The following ADAMTS5 variants were observed in gnomAD, a reference collection of about 807,000 sequenced individuals.
The protein encoded by ADAMTS5 is ADAM metallopeptidase with thrombospondin type 1 motif 5.
ADAMTS5 carries 54 observed loss-of-function variants against 81.4 expected under a neutral mutation model. The observed-to-expected ratio is 0.66, with a 90% CI of 0.53 to 0.83. ADAMTS5 has a LOEUF of 0.83. Among genes scored for constraint, ADAMTS5 ranks in the 40% least tolerant of loss-of-function variants. The pLI is 0.00. For synonymous variants in ADAMTS5, 532 were observed against 508.8 expected (o/e 1.05, Z -0.61); for missense variants, 1,194 against 1,229.9 (o/e 0.97, Z 0.44).
rs1568837005 is a variant in ADAMTS5 at position 26,924,339 on chromosome 21, G to A, written c.2507C>T (p.Ala836Val). Residue 836 changes from alanine to valine, a missense_variant, in exon 8 of 8, where the codon GCA (alanine) becomes GTA (valine). This residue lies in a region of ADAMTS5 where 696 missense variants were observed against 817.6 expected (regional missense o/e 0.85). Transcript: ENST00000284987. ...TKEILIVQIL[A>V]TDPTKPLDVR... is the part of the protein sequence containing the mutation. ...ATCTAATGGTTTAGTGGGGTCTGTT[G>A]CAAGAATCTGCACTATTAGAATTTC... 6.2e-7 allele frequency: 1 copy of A among 1,614,200 alleles called. No homozygotes were observed. Among genetic ancestry groups the A allele is most frequent in the Non-Finnish European group, 8.5e-7 (1 of 1,180,042 alleles).
chr21:26,938,319 A>C (rs1443527685), intron 3 of ADAMTS5, among the ~76,000 whole-genome samples: 1 of 152,194 alleles, frequency 6.6e-6, no homozygotes, highest in Non-Finnish European at 1.5e-5. Flanking sequence ...CATTCATGTT[A>C]AACTAAATGC....
At chr21:26,935,536 T>C (rs1280458385) in intron 3 of ADAMTS5, among the ~76,000 whole-genome samples, 1 of 152,262 alleles carries the variant, frequency 6.6e-6, no homozygotes, top group East Asian at 1.9e-4. Context: ...TTAGTCTTTA[T>C]ACTCTTTGCT....
At chr21:26,960,443 G>A (rs1158093765) in intron 1 of ADAMTS5, among the ~76,000 whole-genome samples, 1 of 152,212 alleles carries the variant, frequency 6.6e-6, no homozygotes, top group African/African-American at 2.4e-5. Context: ...CTACAAGGAG[G>A]TAAATGAGGT....
chr21:26,941,573 C>T (rs1199585288), intron 3 of ADAMTS5, among the ~76,000 whole-genome samples: 1 of 151,956 alleles, frequency 6.6e-6, no homozygotes, highest in Non-Finnish European at 1.5e-5. Flanking sequence ...TTCTCCACAG[C>T]ATTGTAATTA....
rs749063923 is a variant in ADAMTS5, at chr21:26,954,878, A to C, written c.1105-7T>G. The C allele has an allele frequency of 1.2e-6, 2 of 1,613,274 alleles. No homozygotes were observed. Among genetic ancestry groups the C allele is most frequent in the Non-Finnish European group, 1.7e-6 (2 of 1,179,770 alleles). On this transcript the variant is annotated splice_region_variant and splice_polypyrimidine_tract_variant and intron_variant, in intron 1 of 7. Coordinates refer to ENST00000284987, the MANE Select transcript of ADAMTS5 (RefSeq NM_007038.5). Reference sequence around the variant, plus strand: ...AATGATGCCCACATAAATCCTGCCCAGGAGAAAGAAAGAAATCATTAAAAT... The same window carrying C: ...AATGATGCCCACATAAATCCTGCCCCGGAGAAAGAAAGAAATCATTAAAAT...
At chr21:26,965,023 CACA>C (rs1243660758) in intron 1 of ADAMTS5, among the ~76,000 whole-genome samples, 1 of 152,180 alleles carries the variant, frequency 6.6e-6, no homozygotes, top group African/African-American at 2.4e-5. Flanking sequence ...GTTCCTATGC[CACA>C]ACACCTCAGA....
At position 26,966,739 on chromosome 21, in the gene ADAMTS5, G is replaced by A. The variant is rs532280551; in HGVS notation, c.-348C>T. Among the ~76,000 whole-genome samples, 11 of 152,046 alleles carry A rather than the reference G, an allele frequency of 7.2e-5. No individual in the cohort carries two copies. Among genetic ancestry groups the A allele is most frequent in the Middle Eastern group, 3.4e-3 (1 of 294 alleles). On this transcript the variant is annotated 5_prime_UTR_variant, in exon 1 of 8. Transcript: ENST00000284987. ...AAAACCAAAAAACCACCAAATGCAG[G>A]CACGATCGCTGTTTCAAGAAAAGTA...
At chr21:26,958,878 G>A (rs1161813063) in intron 1 of ADAMTS5, among the ~76,000 whole-genome samples, 5 of 152,204 alleles carry the variant, frequency 3.3e-5, no homozygotes, top group African/African-American at 9.7e-5. Context: ...GTGTCTCCAC[G>A]GAAGTGAGTG....
Position 26,924,403 on chromosome 21 carries a change from C to T in ADAMTS5, c.2443G>A (p.Asp815Asn). 6.2e-7 allele frequency: 1 copy of T among 1,614,076 alleles called. No individual in the cohort carries two copies. Among genetic ancestry groups the T allele is most frequent in the Non-Finnish European group, 8.5e-7 (1 of 1,179,918 alleles). ...VMNYSGWSHR[D>N]DFLHGMGYSA... The stretch of plus-strand genomic sequence containing the variant: ...TAGCCCATGCCATGCAGGAAGTCAT[C>T]CCTGTGGCTCCAACCGCTATAGTTC... The change falls in exon 8 of 8, where the codon GAT (aspartate) becomes AAT (asparagine). Residue 815 changes from aspartate (D) to asparagine (N), a missense_variant. Asp to Asn is a conservative substitution (Grantham distance 23). This residue lies in a region of ADAMTS5 where 696 missense variants were observed against 817.6 expected (regional missense o/e 0.85). Transcript: ENST00000284987.
At position 26,932,171 on chromosome 21, in the gene ADAMTS5, A is replaced by G. The variant is rs1986922521; in HGVS notation, c.1882T>C (p.Phe628Leu). 1 of 1,612,966 alleles carries G rather than the reference A, an allele frequency of 6.2e-7. No individual in the cohort carries two copies. The highest frequency in any genetic ancestry group is 1.3e-5 in the African/African-American group (1 of 75,024). ...LMPCPPNGKSFRHEQCEAKNG... is the reference protein window; with the variant it reads ...LMPCPPNGKSLRHEQCEAKNG... ...TTGGCCTCACACTGTTCATGACGAA[A>G]TGATTTACCTAGAAAACAAACATGT... Residue 628 changes from phenylalanine to leucine, a missense_variant, in exon 6 of 8, where the codon TTT (phenylalanine) becomes CTT (leucine). Around this residue, in one of 2 missense-constraint regions of ADAMTS5, gnomAD observed 696 missense variants for 817.6 expected, o/e 0.85. Transcript: ENST00000284987.
chr21:26,963,064 G>C (rs1987560786), intron 1 of ADAMTS5, among the ~76,000 whole-genome samples: 2 of 151,862 alleles, frequency 1.3e-5, no homozygotes. Context: ...GTATACTACA[G>C]GGCCAACCAC....
chr21:26,953,353 G>A (rs964025233), intron 2 of ADAMTS5, among the ~76,000 whole-genome samples: 2 of 152,134 alleles, frequency 1.3e-5, no homozygotes, highest in African/African-American at 2.4e-5. Flanking sequence ...TTTACGTTTA[G>A]GTTTTATATT....
At chr21:26,936,765 C>T (rs763972710) in intron 3 of ADAMTS5, among the ~76,000 whole-genome samples, 6 of 151,914 alleles carry the variant, frequency 3.9e-5, no homozygotes, top group South Asian at 2.1e-4. Context: ...AACATCAAGC[C>T]GATAGGAAAG....
At chr21:26,954,715 G>C in intron 2 of ADAMTS5, 24 bp downstream of exon 2, 1 of 1,609,908 alleles carries the variant, frequency 6.2e-7, no homozygotes, top group Admixed American at 1.7e-5. Context: ...GATTTGGTGA[G>C]GGAAAAGAAA....
Position 26,933,044 on chromosome 21 carries a change from T to C in ADAMTS5, c.1690A>G (p.Thr564Ala). The change falls in exon 5 of 8, where the codon ACG (threonine) becomes GCG (alanine). Residue 564 changes from threonine (T) to alanine (A), a missense_variant and splice_region_variant. Physicochemically the swap from Thr to Ala is moderately conservative, Grantham distance 58 (BLOSUM62 0). Transcript: ENST00000284987. ...GATCCCCAGTTGCCATGGCTTGACG[T>C]CTGAAATAGAGAATAGAATATATTT... is the stretch of plus-strand genomic sequence containing the variant. ...VDKTKKKYYS[T>A]SSHGNWGSWG... is the part of the protein sequence containing the mutation. 1 of 1,611,442 alleles carries C rather than the reference T, an allele frequency of 6.2e-7. No homozygotes were observed. The highest frequency in any genetic ancestry group is 8.5e-7 in the Non-Finnish European group (1 of 1,179,228).
In ADAMTS5 at chr21:26,919,735, T is replaced by C. The variant is rs533227756; in HGVS notation, c.*4318A>G. On this transcript the variant is annotated 3_prime_UTR_variant, in exon 8 of 8. Transcript: ENST00000284987. Reference sequence around the variant, plus strand: ...TGATGATATAATTTGAGAAATTATCTCTATAGATTATGCTAACAAAGGATT... The same window carrying C: ...TGATGATATAATTTGAGAAATTATCCCTATAGATTATGCTAACAAAGGATT... 6.6e-6 allele frequency: 1 copy of C among 152,120 alleles called. No homozygotes were observed. Among genetic ancestry groups the C allele is most frequent in the Non-Finnish European group, 1.5e-5 (1 of 67,984 alleles). The allele number at this position is 152,120 out of a possible 1,614,324, so 9.4% of individuals were successfully genotyped here.
intron 2 of ADAMTS5, among the ~76,000 whole-genome samples, chr21:26,949,199 G>GGAGAGA (rs71183587): frequency 9.8e-4 from 136 of 138,576 alleles, no homozygotes; most frequent in Non-Finnish European, 1.4e-3. Context: ...ATATATATAT[G>GGAGAGA]GAGAGAGAGA....
chr21:26,954,626 A>G (rs1298735821), intron 2 of ADAMTS5, 113 bp downstream of exon 2: 3 of 1,466,466 alleles, frequency 2.0e-6, no homozygotes, highest in Non-Finnish European at 2.8e-6. Context: ...TTTAATTCCC[A>G]GTGGTACATC....
chr21:26,952,174 G>A (rs1309625168), intron 2 of ADAMTS5, among the ~76,000 whole-genome samples: 3 of 152,124 alleles, frequency 2.0e-5, no homozygotes, highest in Admixed American at 2.0e-4. Context: ...GACTTCTAAA[G>A]AAATAAACAA....
Sources: allele counts gnomAD v4.1 joint callset (sites outside exome capture counted in the v4.1 genomes callset), GRCh38; gene constraint gnomAD v4.1.1; regional missense constraint gnomAD v4.1.1; transcripts MANE v1.5; gene names NCBI Gene and HGNC (gene_info 2026-07-23, HGNC 2026-07-21).